The following NPM2 variants were observed in gnomAD, a reference collection of about 807,000 sequenced individuals.
NPM2 encodes the protein nucleophosmin/nucleoplasmin 2.
NPM2 carries 25 observed loss-of-function variants against 32.0 expected under a neutral mutation model. The ratio of observed to expected loss-of-function variants is 0.78; its 90% CI spans 0.57 to 1.09. NPM2 has a LOEUF of 1.09. NPM2 is among the 50% of genes least tolerant of loss of function. The pLI, the probability that NPM2 is intolerant of heterozygous loss-of-function variation, is 0.00. For missense variants in NPM2, 282 were observed against 259.9 expected, an observed-to-expected ratio of 1.08 and a Z score of -0.58; for synonymous variants, 111 against 94.2, an observed-to-expected ratio of 1.18 and a Z score of -1.04.
At chr8:22,028,419 C>A (rs1045609109) in intron 5 of NPM2, among the ~76,000 whole-genome samples, 47 of 134,568 alleles carry the variant, frequency 3.5e-4, no homozygotes, top group African/African-American at 1.2e-3. Flanking sequence ...GGCTTAATCT[C>A]GGCTCACTGC....
chr8:22,026,406 C>T (rs1385251504), intron 5 of NPM2, among the ~76,000 whole-genome samples: 1 of 148,384 alleles, frequency 6.7e-6, no homozygotes, highest in Non-Finnish European at 1.5e-5. Context: ...TTTCTAATAA[C>T]TTAAGTTTTC....
At chr8:22,027,510 A>G (rs1000081110) in intron 5 of NPM2, among the ~76,000 whole-genome samples, 1 of 152,092 alleles carries the variant, frequency 6.6e-6, no homozygotes, top group African/African-American at 2.4e-5. Flanking sequence ...CTAAATCCAC[A>G]TATTCAATTT....
chr8:22,026,117 C>A (rs550076339), intron 5 of NPM2, among the ~76,000 whole-genome samples: 2 of 152,146 alleles, frequency 1.3e-5, no homozygotes, highest in Admixed American at 6.5e-5. Context: ...CAGATCAGAG[C>A]GGCATTAGAT....
intron 5 of NPM2, among the ~76,000 whole-genome samples, chr8:22,029,468 T>G (rs1800364119): frequency 6.6e-6 from 1 of 152,182 alleles, no homozygotes; most frequent in Non-Finnish European, 1.5e-5. Context: ...TTAACTTCAA[T>G]ATTATTATCA....
At chr8:22,035,635 T>C (rs1380400434) in intron 8 of NPM2, among the ~76,000 whole-genome samples, 2 of 152,150 alleles carry the variant, frequency 1.3e-5, no homozygotes, top group African/African-American at 4.8e-5. Context: ...CACATATTTT[T>C]AAAAAGAGTT....
intron 3 of NPM2, 25 bp downstream of exon 3, chr8:22,025,331 C>G (rs371749684): frequency 1.6e-4 from 255 of 1,601,894 alleles, no homozygotes; most frequent in Non-Finnish European, 1.9e-4. Context: ...AGGCTCCTTC[C>G]CAGAGACACG....
rs1213061600 is a variant in NPM2 at position 22,025,307 on chromosome 8, G to A, written c.58+1G>A. 3 of 1,608,380 alleles carry A rather than the reference G, an allele frequency of 1.9e-6. No homozygotes were observed. The East Asian group carries it at 6.7e-5, about 36-fold the overall frequency. On this transcript the variant is annotated splice_donor_variant, in intron 3 of 9. Coordinates refer to ENST00000518119, the MANE Select transcript of NPM2 (RefSeq NM_001286680.2). LOFTEE classifies it high-confidence loss of function. ...AAGGCAGTGACGACCGTGCTCTGGG[G>A]TGAGTGGGGACTCAGGCTCCTTCCC...
Position 22,034,291 on chromosome 8 carries a change from T to C in NPM2, c.531+16T>C, listed in dbSNP as rs755842205. On this transcript the variant is annotated intron_variant, in intron 7 of 9. Coordinates refer to ENST00000518119, the MANE Select transcript of NPM2 (RefSeq NM_001286680.2). ...CGTGGCTAAGGTGGGGGAAGGAGCGTGGCTGTTTGGAAGGAAGTGGTACCC... is the reference window on the plus strand; with the variant it reads ...CGTGGCTAAGGTGGGGGAAGGAGCGCGGCTGTTTGGAAGGAAGTGGTACCC... 9 of 1,566,916 alleles carry C rather than the reference T, an allele frequency of 5.7e-6. No homozygotes were observed. In the East Asian group the frequency reaches 2.0e-4, roughly 35 times the overall value.
chr8:22,028,964 A>G (rs117937459), intron 5 of NPM2, among the ~76,000 whole-genome samples: 3,450 of 151,902 alleles, frequency 0.023, 59 homozygotes, highest in South Asian at 0.042. Context: ...CCTATATTTT[A>G]TTAGATTAAT....
chr8:22,033,904 C>T (rs1268992623), intron 6 of NPM2, among the ~76,000 whole-genome samples: 4 of 152,122 alleles, frequency 2.6e-5, no homozygotes, highest in Non-Finnish European at 4.4e-5. Context: ...TTTCCTAGAC[C>T]CCCTACCCTA....
intron 5 of NPM2, among the ~76,000 whole-genome samples, chr8:22,032,689 C>T (rs1479579734): frequency 2.0e-5 from 3 of 152,118 alleles, no homozygotes; most frequent in African/African-American, 4.8e-5. Context: ...TATGTGTTCA[C>T]GTGTGGGGCA....
In NPM2 at chr8:22,033,141, AG is replaced by A; in HGVS notation, c.284del (p.Gly95GlufsTer32). The A allele has an allele frequency of 6.2e-7, 1 of 1,613,814 alleles. No individual in the cohort carries two copies. The highest frequency in any genetic ancestry group is 8.5e-7 in the Non-Finnish European group (1 of 1,179,790). On this transcript the variant is annotated frameshift_variant, in exon 6 of 10. Transcript: ENST00000518119. LOFTEE classifies it high-confidence loss of function. ...ASVLPMVSMV[G>X]VQLSPPVTFQ... ...TCCTCCCCCTGCAGGTCTCCATGGT[AG>A]GAGTGCAGCTTTCTCCCCCAGTTAC...
chr8:22,024,998 C>A, intron 2 of NPM2, 168 bp downstream of exon 2: 2 of 519,866 alleles, frequency 3.8e-6, no homozygotes, highest in East Asian at 3.5e-5. Context: ...CCGTGAGTCC[C>A]GCTGTCCTGT....
chr8:22,026,922 C>A (rs1800275694), intron 5 of NPM2, among the ~76,000 whole-genome samples: 1 of 152,178 alleles, frequency 6.6e-6, no homozygotes, highest in South Asian at 2.1e-4. Flanking sequence ...CCATCTAAAA[C>A]CCTCTGCTTT....
chr8:22,025,882 G>T, intron 5 of NPM2, 110 bp downstream of exon 5: 1 of 1,495,550 alleles, frequency 6.7e-7, no homozygotes, highest in Non-Finnish European at 9.1e-7. Context: ...AGCCATGCTA[G>T]GGAGGTAGCA....
chr8:22,034,388 G>A, intron 7 of NPM2, 113 bp downstream of exon 7: 1 of 1,374,328 alleles, frequency 7.3e-7, no homozygotes, highest in Non-Finnish European at 1.0e-6. Context: ...GTACAGGATG[G>A]GCCAAGGCCA....
In NPM2 at chr8:22,025,624, C is replaced by T. The variant is rs764918785; in HGVS notation, c.145-23C>T. The T allele has an allele frequency of 3.1e-6, 5 of 1,614,124 alleles. No individual in the cohort carries two copies. The Admixed American group carries it at 5.0e-5, about 16-fold the overall frequency. On this transcript the variant is annotated intron_variant, in intron 4 of 9. Transcript: ENST00000518119. ...CGTCGGCCCTCAGGGTGATGAGGGG[C>T]CTCTATTTTCAACCCCGCTCAGATT...
At chr8:22,024,904 A>T (rs551958684) in intron 2 of NPM2, 74 bp downstream of exon 2, 2 of 313,796 alleles carry the variant, frequency 6.4e-6, no homozygotes, top group South Asian at 5.3e-5. Context: ...GGAGGTGCAC[A>T]GAGGCTTTTG....
chr8:22,026,623 T>G (rs910347605), intron 5 of NPM2, among the ~76,000 whole-genome samples: 1 of 152,000 alleles, frequency 6.6e-6, no homozygotes, highest in Non-Finnish European at 1.5e-5. Flanking sequence ...CCTGGCTAAT[T>G]TTTGTATTTT....
Sources: allele counts gnomAD v4.1 joint callset (sites outside exome capture counted in the v4.1 genomes callset), GRCh38; gene constraint gnomAD v4.1.1; transcripts MANE v1.5; gene names NCBI Gene and HGNC (gene_info 2026-07-23, HGNC 2026-07-21).